MUSK: variants seen among roughly 807,000 people sequenced by gnomAD.
MUSK encodes the protein muscle associated receptor tyrosine kinase, also known as muscle, skeletal receptor tyrosine-protein kinase.
A neutral mutation model predicts 88.7 loss-of-function variants in MUSK; 55 were observed. That is an observed-to-expected ratio of 0.62 (90% confidence interval 0.50 to 0.78). MUSK has a LOEUF of 0.78. MUSK is among the 30% of genes least tolerant of loss of function. The probability of loss-of-function intolerance (pLI) is 0.00; values close to 1 mark genes in which losing one functional copy is unlikely to be tolerated. For missense variants in MUSK, 1,015 were observed against 1,074.3 expected (o/e 0.94, Z 0.77); for synonymous variants, 387 against 391.9 (o/e 0.99, Z 0.15).
chr9:110,759,996 A>G (rs538677959), intron 7 of MUSK, among the ~76,000 whole-genome samples: 2 of 152,288 alleles, frequency 1.3e-5, no homozygotes, highest in Middle Eastern at 3.4e-3. Context: ...AGATCACACC[A>G]CTGCACTCCC....
At chr9:110,755,375 C>T (rs184914923) in intron 7 of MUSK, among the ~76,000 whole-genome samples, 38 of 152,300 alleles carry the variant, frequency 2.5e-4, no homozygotes, top group African/African-American at 9.1e-4. Context: ...CTATGAATCA[C>T]TCATAAAGAG....
intron 9 of MUSK, among the ~76,000 whole-genome samples, chr9:110,772,219 A>G (rs2077586604): frequency 6.6e-6 from 1 of 151,636 alleles, no homozygotes; most frequent in Admixed American, 6.6e-5. Context: ...AGCACAAAAT[A>G]CATTTATTAA....
At chr9:110,677,472 A>G (rs1051561840) in intron 1 of MUSK, among the ~76,000 whole-genome samples, 2 of 152,308 alleles carry the variant, frequency 1.3e-5, no homozygotes, top group East Asian at 3.9e-4. Context: ...GGCTCTGCCA[A>G]TAGCCTCCAC....
At chr9:110,732,695 G>A in intron 5 of MUSK, among the ~76,000 whole-genome samples, 1 of 151,928 alleles carries the variant, frequency 6.6e-6, no homozygotes, top group Non-Finnish European at 1.5e-5. Flanking sequence ...TGCTTCTGGG[G>A]GACAGATTCA....
At chr9:110,751,448 C>T (rs1390037785) in intron 7 of MUSK, among the ~76,000 whole-genome samples, 1 of 152,068 alleles carries the variant, frequency 6.6e-6, no homozygotes, top group Non-Finnish European at 1.5e-5. Context: ...GGAAAAATAA[C>T]AGTGGAATTT....
rs2078131303 is a variant in MUSK at position 110,804,222 on chromosome 9, G to A, written c.*3234G>A. 6.6e-6 allele frequency among the ~76,000 whole-genome samples: 1 copy of A among 151,880 alleles called. No homozygotes were observed. The highest frequency in any genetic ancestry group is 1.5e-5 in the Non-Finnish European group (1 of 67,964). ...TCCAATTTTTATCATTATAAAAAAT[G>A]CTGTAATTAACATCCTTATTTGTTC... On this transcript the variant is annotated 3_prime_UTR_variant, in exon 15 of 15. Transcript: ENST00000374448.
chr9:110,673,214 C>T (rs2075983028), intron 1 of MUSK, among the ~76,000 whole-genome samples: 1 of 152,168 alleles, frequency 6.6e-6, no homozygotes, highest in African/African-American at 2.4e-5. Flanking sequence ...CTTCTCTTAT[C>T]CATCTGTGCA....
intron 5 of MUSK, among the ~76,000 whole-genome samples, chr9:110,704,816 T>C (rs2076575021): frequency 6.6e-6 from 1 of 151,938 alleles, no homozygotes; most frequent in African/African-American, 2.4e-5. Context: ...AAACCCCATC[T>C]CTACTAAAAA....
rs760757288 is a variant in MUSK at position 110,800,917 on chromosome 9, C to A, written c.2539C>A (p.Pro847Thr). The A allele has an allele frequency of 9.1e-6, 14 of 1,539,666 alleles. No homozygotes were observed. The highest frequency in any genetic ancestry group is 7.9e-6 in the Non-Finnish European group (9 of 1,144,464). Reference protein sequence around the residue: ...LCWSKLPADRPSFTSIHRILE... With the variant: ...LCWSKLPADRTSFTSIHRILE... Reference sequence around the variant, plus strand: ...TTGGAGCAAGCTGCCTGCAGACAGACCCAGTTTCACCAGTATTCACCGAAT... The same window carrying A: ...TTGGAGCAAGCTGCCTGCAGACAGAACCAGTTTCACCAGTATTCACCGAAT... Residue 847 changes from proline (P) to threonine (T), a missense_variant, in exon 15 of 15, where the codon CCC (proline) becomes ACC (threonine). Transcript: ENST00000374448.
chr9:110,747,157 C>A (rs558677368), intron 6 of MUSK, among the ~76,000 whole-genome samples: 1 of 152,182 alleles, frequency 6.6e-6, no homozygotes, highest in South Asian at 2.1e-4. Context: ...GCAGGACTGC[C>A]TGATCTTGGC....
intron 5 of MUSK, among the ~76,000 whole-genome samples, chr9:110,729,338 A>G (rs1318106572): frequency 8.2e-5 from 12 of 147,110 alleles, no homozygotes; most frequent in South Asian, 2.1e-4. Flanking sequence ...AAAAAAAAAA[A>G]AAAAAAGAAA....
At chr9:110,675,831 G>A (rs1400709783) in intron 1 of MUSK, among the ~76,000 whole-genome samples, 1 of 151,868 alleles carries the variant, frequency 6.6e-6, no homozygotes, top group Non-Finnish European at 1.5e-5. Context: ...AAAGTGCTCG[G>A]ATTACAGGCG....
At chr9:110,746,040 C>T (rs948667784) in intron 6 of MUSK, among the ~76,000 whole-genome samples, 1 of 152,146 alleles carries the variant, frequency 6.6e-6, no homozygotes, top group Non-Finnish European at 1.5e-5. Context: ...ATAATTGGCT[C>T]CAAAATGTCT....
intron 8 of MUSK, 101 bp from the exon 9 acceptor site, chr9:110,767,719 A>G: frequency 5.2e-6 from 7 of 1,345,546 alleles, no homozygotes; most frequent in African/African-American, 1.4e-5. Flanking sequence ...ATTTTCTCCT[A>G]TTTCTGAGAC....
intron 8 of MUSK, among the ~76,000 whole-genome samples, chr9:110,766,044 C>T (rs2077478609): frequency 6.6e-6 from 1 of 152,120 alleles, no homozygotes; most frequent in African/African-American, 2.4e-5. Flanking sequence ...TCCTCCCAGG[C>T]AAGAGGTAGG....
chr9:110,732,628 T>C (rs974502460), intron 5 of MUSK, among the ~76,000 whole-genome samples: 1 of 152,120 alleles, frequency 6.6e-6, no homozygotes, highest in Non-Finnish European at 1.5e-5. Context: ...CTCAACCCTT[T>C]AATTTTTGTA....
At chr9:110,740,941 T>C (rs778705087) in intron 6 of MUSK, among the ~76,000 whole-genome samples, 8 of 152,076 alleles carry the variant, frequency 5.3e-5, no homozygotes, top group Non-Finnish European at 1.2e-4. Context: ...ATCTAAGAGT[T>C]GAACTCATAG....
chr9:110,741,311 AT>A (rs139291791), intron 6 of MUSK, among the ~76,000 whole-genome samples: 4,273 of 152,228 alleles, frequency 0.028, 202 homozygotes, highest in African/African-American at 0.098. Flanking sequence ...AAAAGTCTAA[AT>A]TTTTTTAAAG....
rs1304458978 is a variant in MUSK at position 110,775,804 on chromosome 9, G to C, written c.1201G>C (p.Val401Leu). 8 of 1,613,872 alleles carry C rather than the reference G, an allele frequency of 5.0e-6. No homozygotes were observed. Among genetic ancestry groups the C allele is most frequent in the Non-Finnish European group, 6.8e-6 (8 of 1,179,806 alleles). ...CTATTTTAGAGAGTACTGCTTGGCA[G>C]TAAAGGAGCTCTTCTGCGCAAAAGA... ...IPICREYCLA[V>L]KELFCAKEWL... is the part of the protein sequence containing the mutation. The change falls in exon 10 of 15, where the codon GTA (valine) becomes CTA (leucine). Residue 401 changes from valine to leucine, a missense_variant. Val to Leu is a conservative substitution (Grantham distance 32). Coordinates refer to ENST00000374448, the MANE Select transcript of MUSK (RefSeq NM_005592.4).
Sources: allele counts gnomAD v4.1 joint callset (sites outside exome capture counted in the v4.1 genomes callset), GRCh38; gene constraint gnomAD v4.1.1; transcripts MANE v1.5; gene names NCBI Gene and HGNC (gene_info 2026-07-23, HGNC 2026-07-21).